Variants in FGF14 observed in about 807,000 individuals in gnomAD.
The protein encoded by FGF14 is fibroblast growth factor homologous factor 4.
In FGF14, 5 loss-of-function variants were observed where a neutral mutation model predicts 25.5. The observed-to-expected ratio is 0.20, with a 90% CI of 0.10 to 0.41. The LOEUF (loss-of-function observed/expected upper bound fraction) is 0.41. FGF14 is among the 10% of genes least tolerant of loss of function. The pLI is 1.00. For synonymous variants in FGF14, 138 were observed against 118.3 expected, an observed-to-expected ratio of 1.17 and a Z score of -1.08; for missense variants, 222 against 320.1, an observed-to-expected ratio of 0.69 and a Z score of 2.34.
intron 1 of FGF14, among the ~76,000 whole-genome samples, chr13:102,256,736 G>A (rs1322577158): frequency 1.3e-5 from 2 of 152,154 alleles, no homozygotes; most frequent in African/African-American, 2.4e-5. Flanking sequence ...GAACATAAGG[G>A]AAGCTTAACA....
chr13:102,161,396 A>G (rs374560994), intron 1 of FGF14, among the ~76,000 whole-genome samples: 1 of 152,162 alleles, frequency 6.6e-6, no homozygotes, highest in East Asian at 1.9e-4. Flanking sequence ...TCTTGTCACC[A>G]CTGTATCCCT....
intron 1 of FGF14, chr13:102,292,556 T>C (rs1035246114): frequency 1.3e-5 from 2 of 152,200 alleles, no homozygotes; most frequent in Admixed American, 6.5e-5. Flanking sequence ...GCTTAATAAG[T>C]ATGAATTCTT....
chr13:102,191,683 A>G (rs1427156656), intron 1 of FGF14, among the ~76,000 whole-genome samples: 1 of 152,196 alleles, frequency 6.6e-6, no homozygotes, highest in Non-Finnish European at 1.5e-5. Flanking sequence ...CATTAATTTT[A>G]TCCCAAAAGC....
intron 3 of FGF14, among the ~76,000 whole-genome samples, chr13:101,776,952 C>T (rs1206933213): frequency 6.6e-6 from 1 of 152,122 alleles, no homozygotes; most frequent in Non-Finnish European, 1.5e-5. Context: ...TCTCTCAGGC[C>T]TTTTTTAAAA....
intron 3 of FGF14, among the ~76,000 whole-genome samples, chr13:101,823,761 T>C (rs2042272657): frequency 6.6e-6 from 1 of 150,384 alleles, no homozygotes; most frequent in African/African-American, 2.4e-5. Flanking sequence ...TATAAAGATA[T>C]CTTATACAAG....
chr13:102,185,796 T>G (rs2048851193), intron 1 of FGF14, among the ~76,000 whole-genome samples: 1 of 152,122 alleles, frequency 6.6e-6, no homozygotes, highest in Non-Finnish European at 1.5e-5. Context: ...CACAAATCTG[T>G]CATGTGTGGA....
chr13:101,958,756 G>A (rs2036660927), intron 1 of FGF14, among the ~76,000 whole-genome samples: 1 of 152,176 alleles, frequency 6.6e-6, no homozygotes, highest in Non-Finnish European at 1.5e-5. Context: ...AAGTCACTCT[G>A]AGACCATAAC....
intron 1 of FGF14, among the ~76,000 whole-genome samples, chr13:102,180,250 C>T (rs948380457): frequency 6.6e-6 from 1 of 152,118 alleles, no homozygotes; most frequent in Non-Finnish European, 1.5e-5. Context: ...ACTGTCATTT[C>T]CATGCTATAA....
chr13:102,086,462 G>A (rs1249552780), intron 1 of FGF14, among the ~76,000 whole-genome samples: 2 of 152,002 alleles, frequency 1.3e-5, no homozygotes. Context: ...CCCGGGAGGC[G>A]GAGCTTGCAG....
chr13:101,990,857 T>C (rs748089913), intron 1 of FGF14, among the ~76,000 whole-genome samples: 12 of 152,128 alleles, frequency 7.9e-5, no homozygotes, highest in Non-Finnish European at 1.6e-4. Flanking sequence ...TTTTCACATA[T>C]AGCATTAAGA....
intron 1 of FGF14, among the ~76,000 whole-genome samples, chr13:102,044,393 T>A (rs190408540): frequency 4.2e-4 from 64 of 152,250 alleles, no homozygotes; most frequent in African/African-American, 1.4e-3. Flanking sequence ...AAATGAACTT[T>A]TGGAAGAGGA....
chr13:102,395,819 A>G (rs2058567834), intron 1 of FGF14: 1 of 152,220 alleles, frequency 6.6e-6, no homozygotes, highest in African/African-American at 2.4e-5. Context: ...CAAGAACTTC[A>G]CTGTTCCCTA....
At chr13:101,809,963 CCTAA>C (rs1200777004) in intron 3 of FGF14, among the ~76,000 whole-genome samples, 1 of 152,094 alleles carries the variant, frequency 6.6e-6, no homozygotes, top group East Asian at 1.9e-4. Flanking sequence ...AAGATTTTGA[CCTAA>C]CTACTTAAGA....
chr13:101,757,196 T>C (rs1447287315), intron 3 of FGF14, among the ~76,000 whole-genome samples: 2 of 152,216 alleles, frequency 1.3e-5, no homozygotes, highest in Non-Finnish European at 2.9e-5. Flanking sequence ...TTTTCTCCTT[T>C]GGTATCTAGA....
At position 101,814,575 on chromosome 13, in the gene FGF14, T is replaced by C. The variant is rs545274626; in HGVS notation, c.408+54150A>G. ...TTCCCTTTTGCCTCTTTGTAGCCAA[T>C]CCTCACTTTCATCCCTACCCCCAAG... On this transcript the variant is annotated intron_variant, in intron 3 of 4. Transcript: ENST00000376143. Among the ~76,000 whole-genome samples the C allele has an allele frequency of 2.6e-5, 4 of 152,362 alleles. No homozygotes were observed. The East Asian group carries it at 5.8e-4, about 22-fold the overall frequency.
At chr13:102,202,998 G>A (rs1452553295) in intron 1 of FGF14, among the ~76,000 whole-genome samples, 1 of 152,142 alleles carries the variant, frequency 6.6e-6, no homozygotes, top group Admixed American at 6.5e-5. Flanking sequence ...CTAATAACCA[G>A]ATCAGGATTT....
intron 4 of FGF14, among the ~76,000 whole-genome samples, chr13:101,724,598 AT>A (rs2035252291): frequency 0.015 from 11 of 742 alleles, no homozygotes; most frequent in East Asian, 0.062. Context: ...TAATAATAAA[AT>A]ATATATATAT....
chr13:101,870,416 A>G (rs1594552430), intron 2 of FGF14, among the ~76,000 whole-genome samples: 1 of 152,308 alleles, frequency 6.6e-6, no homozygotes, highest in South Asian at 2.1e-4. Flanking sequence ...CGCAAGGTAC[A>G]CTAACTTAAT....
intron 1 of FGF14, among the ~76,000 whole-genome samples, chr13:102,392,134 C>T (rs2058446930): frequency 6.6e-6 from 1 of 152,190 alleles, no homozygotes; most frequent in African/African-American, 2.4e-5. Flanking sequence ...TTCAGTGATC[C>T]ACTATAATTG....
Sources: gnomAD v4.1 joint callset for allele counts (sites outside exome capture counted in the v4.1 genomes callset) on GRCh38, gnomAD v4.1.1 for gene constraint, MANE v1.5 for transcripts, NCBI Gene and HGNC (gene_info 2026-07-23, HGNC 2026-07-21) for gene names.